The following PIGN variants were observed in gnomAD, a reference collection of about 807,000 sequenced individuals.
PIGN encodes phosphatidylinositol glycan anchor biosynthesis class N, also known as GPI ethanolamine phosphate transferase 1.
Under a neutral mutation model 125.4 loss-of-function variants are expected in PIGN, and 117 were observed. The observed-to-expected ratio is 0.93, with a 90% confidence interval of 0.80 to 1.09. PIGN has a LOEUF of 1.09. PIGN is among the 50% of genes least tolerant of loss of function. The pLI, the probability that PIGN is intolerant of heterozygous loss-of-function variation, is 0.00. For synonymous variants in PIGN, 392 were observed against 377.8 expected (o/e 1.04, Z -0.44); for missense variants, 1,075 against 1,094.9 (o/e 0.98, Z 0.26).
chr18:62,076,447 C>T (rs544840172), intron 28 of PIGN, among the ~76,000 whole-genome samples: 4 of 152,236 alleles, frequency 2.6e-5, no homozygotes, highest in African/African-American at 9.6e-5. Flanking sequence ...AGTATGTAAC[C>T]TATGTTCTCT....
chr18:62,065,364 A>G (rs777615727), intron 30 of PIGN, among the ~76,000 whole-genome samples: 8 of 152,222 alleles, frequency 5.3e-5, no homozygotes, highest in Non-Finnish European at 1.0e-4. Context: ...GCTCAACAGA[A>G]TGGAACCCAT....
At chr18:62,165,943 T>C (rs932926742) in intron 1 of PIGN, among the ~76,000 whole-genome samples, 1 of 152,144 alleles carries the variant, frequency 6.6e-6, no homozygotes, top group Non-Finnish European at 1.5e-5. Flanking sequence ...AGCACAACTC[T>C]TTGGGAGAAT....
At chr18:62,048,800 C>T (rs2030971804) in intron 30 of PIGN, among the ~76,000 whole-genome samples, 1 of 150,514 alleles carries the variant, frequency 6.6e-6, no homozygotes. Context: ...GTGCTGCACC[C>T]ATTAACTCGT....
chr18:62,018,199 G>A (rs1232426672), intron 23 of PIGN, among the ~76,000 whole-genome samples: 1 of 152,172 alleles, frequency 6.6e-6, no homozygotes, highest in Non-Finnish European at 1.5e-5. Flanking sequence ...GCCTGCCCTG[G>A]GAAGGGAAGC....
chr18:62,134,508 T>C (rs2035856757), intron 14 of PIGN, among the ~76,000 whole-genome samples: 1 of 152,202 alleles, frequency 6.6e-6, no homozygotes, highest in Non-Finnish European at 1.5e-5. Flanking sequence ...TCCATGTACA[T>C]TTCCTTCCCT....
intron 30 of PIGN, among the ~76,000 whole-genome samples, chr18:62,063,969 C>T (rs1004334283): frequency 7.3e-5 from 11 of 151,384 alleles, no homozygotes; most frequent in Non-Finnish European, 1.3e-4. Flanking sequence ...AGGAGATATA[C>T]CTAATGTAAA....
intron 15 of PIGN, 72 bp from the exon 16 acceptor site, chr18:62,113,388 T>G (rs553446733): frequency 2.1e-5 from 24 of 1,168,062 alleles, no homozygotes; most frequent in Middle Eastern, 4.2e-4. Flanking sequence ...GAAAGGAAAA[T>G]TTTAAATTCC....
chr18:62,177,932 C>A (rs866696536), intron 1 of PIGN, among the ~76,000 whole-genome samples: 7 of 152,140 alleles, frequency 4.6e-5, no homozygotes, highest in African/African-American at 1.7e-4. Flanking sequence ...TTAGCCTTCA[C>A]CTTCTGCTTG....
rs754660460 is a variant in PIGN at position 62,049,630 on chromosome 18, T to G, written c.2673-3651A>C. Among the ~76,000 whole-genome samples the G allele has an allele frequency of 6.4e-3, 943 of 147,196 alleles. 3 individuals are homozygous for G. The highest frequency in any genetic ancestry group is 9.4e-3 in the South Asian group (42 of 4,470). On this transcript the variant is annotated intron_variant, in intron 30 of 30. Coordinates refer to ENST00000640252, the MANE Select transcript of PIGN (RefSeq NM_176787.5). ...TGTCAGATGAGTAGGTTGCGAAAAT[T>G]TTCTCCCATGTTGTAGGTTGCCTGT...
At position 62,169,801 on chromosome 18, in the gene PIGN, G is replaced by A. The variant is rs144048062; in HGVS notation, c.-235-6145C>T. On this transcript the variant is annotated intron_variant, in intron 1 of 30. Coordinates refer to ENST00000640252, the MANE Select transcript of PIGN (RefSeq NM_176787.5). ...ATGCCAGCTAAGTTTTAAATTTTTCGTAGAGATGGGGGGATCTCAGTATGT... is the reference window on the plus strand; with the variant it reads ...ATGCCAGCTAAGTTTTAAATTTTTCATAGAGATGGGGGGATCTCAGTATGT... Among the ~76,000 whole-genome samples, 1,191 of 151,746 alleles carry A rather than the reference G, an allele frequency of 7.8e-3. 5 individuals are homozygous for A. The highest frequency in any genetic ancestry group is 0.02 in the African/African-American group (814 of 41,346).
intron 14 of PIGN, among the ~76,000 whole-genome samples, chr18:62,126,080 G>A (rs1026592932): frequency 6.6e-6 from 1 of 151,964 alleles, no homozygotes; most frequent in African/African-American, 2.4e-5. Flanking sequence ...AAGAGTATCT[G>A]GATCAGTCAT....
At chr18:62,075,320 A>T (rs1355608486) in intron 28 of PIGN, 1 of 152,482 alleles carries the variant, frequency 6.6e-6, no homozygotes, top group Non-Finnish European at 1.5e-5. Context: ...CCTCTGCCTA[A>T]TCCCTCACCC....
chr18:62,129,675 C>T (rs1438518037), intron 14 of PIGN, among the ~76,000 whole-genome samples: 1 of 94,860 alleles, frequency 1.1e-5, no homozygotes, highest in Non-Finnish European at 2.1e-5. Flanking sequence ...CAAGGGCAGG[C>T]ACTACGTCTA....
chr18:62,067,867 T>A (rs914027942), intron 30 of PIGN, among the ~76,000 whole-genome samples: 1 of 152,198 alleles, frequency 6.6e-6, no homozygotes, highest in Non-Finnish European at 1.5e-5. Context: ...AGAGGTAGTG[T>A]GTATTTCACT....
intron 14 of PIGN, among the ~76,000 whole-genome samples, chr18:62,116,289 G>T (rs1350204679): frequency 5.9e-5 from 9 of 152,130 alleles, no homozygotes; most frequent in Admixed American, 5.9e-4. Context: ...TTCCATAAAA[G>T]CTTTCTAGTT....
intron 3 of PIGN, among the ~76,000 whole-genome samples, chr18:62,161,889 ATTT>A (rs10713878): frequency 1.3e-5 from 2 of 151,052 alleles, no homozygotes; most frequent in African/African-American, 4.9e-5. Context: ...AATATTTGTG[ATTT>A]TTTTTTTCTT....
chr18:62,055,722 T>C (rs944512849), intron 30 of PIGN, among the ~76,000 whole-genome samples: 1 of 152,044 alleles, frequency 6.6e-6, no homozygotes, highest in Non-Finnish European at 1.5e-5. Flanking sequence ...AATGTTAAAA[T>C]GAAATGTTTA....
At chr18:62,106,652 C>T in intron 19 of PIGN, 137 bp downstream of exon 19, 1 of 624,524 alleles carries the variant, frequency 1.6e-6, no homozygotes, top group Non-Finnish European at 2.9e-6. Flanking sequence ...TGTCAGTCCT[C>T]CTATCAATAT....
At chr18:62,094,294 A>T (rs966521889) in intron 23 of PIGN, among the ~76,000 whole-genome samples, 2 of 152,132 alleles carry the variant, frequency 1.3e-5, no homozygotes, top group Non-Finnish European at 2.9e-5. Flanking sequence ...AATCAACTAC[A>T]CATCCCTTTA....
Sources: allele counts gnomAD v4.1 joint callset (sites outside exome capture counted in the v4.1 genomes callset), GRCh38; gene constraint gnomAD v4.1.1; transcripts MANE v1.5; gene names NCBI Gene and HGNC (gene_info 2026-07-23, HGNC 2026-07-21).